CADPS2: variants seen among roughly 807,000 people sequenced by gnomAD.
CADPS2 encodes the protein calcium dependent secretion activator 2, also known as calcium-dependent secretion activator 2.
A neutral mutation model predicts 172.5 loss-of-function variants in CADPS2; 93 were observed. That is an observed-to-expected ratio of 0.54 (90% confidence interval 0.46 to 0.64). The LOEUF is 0.64. Ranked by LOEUF, CADPS2 falls within the 30% of genes least tolerant of loss-of-function variation. The pLI is 0.00. For missense variants in CADPS2, 1,420 were observed against 1,565.9 expected (o/e 0.91, Z 1.57); for synonymous variants, 546 against 555.2 (o/e 0.98, Z 0.23).
At chr7:122,578,082 A>G (rs574449812) in intron 7 of CADPS2, among the ~76,000 whole-genome samples, 9 of 150,958 alleles carry the variant, frequency 6.0e-5, no homozygotes, top group Admixed American at 1.3e-4. Context: ...ATATATGTGT[A>G]TATATATACA....
intron 11 of CADPS2, among the ~76,000 whole-genome samples, chr7:122,485,248 C>T (rs1229918323): frequency 6.6e-6 from 1 of 152,146 alleles, no homozygotes; most frequent in Non-Finnish European, 1.5e-5. Flanking sequence ...AATGATCATG[C>T]TTAGTGAGCA....
At chr7:122,529,483 C>A (rs1371164926) in intron 8 of CADPS2, among the ~76,000 whole-genome samples, 1 of 151,970 alleles carries the variant, frequency 6.6e-6, no homozygotes, top group East Asian at 1.9e-4. Flanking sequence ...AAATCTGTTA[C>A]ATGAACTTGT....
At chr7:122,441,949 T>G (rs1384533424) in intron 15 of CADPS2, among the ~76,000 whole-genome samples, 6 of 152,208 alleles carry the variant, frequency 3.9e-5, no homozygotes, top group Non-Finnish European at 8.8e-5. Context: ...TTTCCCTCAT[T>G]TCCTCCTGTG....
intron 9 of CADPS2, 66 bp downstream of exon 9, chr7:122,513,182 AC>A: frequency 9.6e-7 from 1 of 1,037,398 alleles, no homozygotes; most frequent in East Asian, 2.6e-5. Context: ...GATAGATATA[AC>A]CCACATAAAC....
rs528114736 is a variant in CADPS2 at position 122,613,650 on chromosome 7, T to C, written c.1223+1531A>G. ...CAGTGGTTGGTTAAGGCTGGATTGG[T>C]TGGGGGTTGATAGCTAAAGGGTACA... On this transcript the variant is annotated intron_variant, in intron 6 of 29. Transcript: ENST00000449022. Among the ~76,000 whole-genome samples the C allele has an allele frequency of 2.6e-5, 4 of 151,854 alleles. No individual in the cohort carries two copies. In the South Asian group the frequency reaches 8.3e-4, roughly 32 times the overall value.
At chr7:122,756,826 G>T (rs1159094589) in intron 1 of CADPS2, among the ~76,000 whole-genome samples, 2 of 152,046 alleles carry the variant, frequency 1.3e-5, no homozygotes, top group Admixed American at 6.6e-5. Flanking sequence ...CTTGAACCTG[G>T]GAGGCAGAGG....
chr7:122,561,528 C>A (rs186883319), intron 7 of CADPS2, among the ~76,000 whole-genome samples: 1 of 152,088 alleles, frequency 6.6e-6, no homozygotes, highest in South Asian at 2.1e-4. Flanking sequence ...GTCAATCATT[C>A]TCCAGTTTTT....
chr7:122,809,341 G>A (rs1428992680), intron 1 of CADPS2, among the ~76,000 whole-genome samples: 6 of 151,666 alleles, frequency 4.0e-5, no homozygotes, highest in East Asian at 3.9e-4. Flanking sequence ...AGGCCGAGGC[G>A]GGTGGATCAT....
At chr7:122,402,394 G>C (rs2046062606) in intron 20 of CADPS2, among the ~76,000 whole-genome samples, 1 of 152,140 alleles carries the variant, frequency 6.6e-6, no homozygotes, top group Admixed American at 6.6e-5. Flanking sequence ...TTAACTCCCT[G>C]CTGTCAAGCC....
At chr7:122,716,491 C>T (rs1476676978) in intron 2 of CADPS2, among the ~76,000 whole-genome samples, 1 of 152,012 alleles carries the variant, frequency 6.6e-6, no homozygotes, top group Non-Finnish European at 1.5e-5. Context: ...GCAGAAAGCT[C>T]CACACAGAAA....
chr7:122,323,873 T>TATATA (rs2033167694), intron 29 of CADPS2, among the ~76,000 whole-genome samples: 1 of 112,550 alleles, frequency 8.9e-6, no homozygotes, highest in Non-Finnish European at 1.8e-5. Flanking sequence ...TATGTATATT[T>TATATA]TATATATATA....
chr7:122,829,625 C>T (rs956166962), intron 1 of CADPS2, among the ~76,000 whole-genome samples: 1 of 152,118 alleles, frequency 6.6e-6, no homozygotes, highest in African/African-American at 2.4e-5. Flanking sequence ...TCAACAGTTA[C>T]ACAGTCTACT....
intron 17 of CADPS2, among the ~76,000 whole-genome samples, chr7:122,433,209 G>T (rs1585984099): frequency 6.6e-6 from 1 of 151,734 alleles, no homozygotes; most frequent in African/African-American, 2.4e-5. Flanking sequence ...TTGAACTCCT[G>T]GGTTCAAGTG....
At chr7:122,670,702 T>C (rs1860861) in intron 2 of CADPS2, among the ~76,000 whole-genome samples, 9,624 of 151,654 alleles carry the variant, frequency 0.063, 326 homozygotes, top group Middle Eastern at 0.13. Context: ...GGTTTCACCA[T>C]GTTGATCAGG....
intron 18 of CADPS2, among the ~76,000 whole-genome samples, chr7:122,415,534 T>C (rs562083355): frequency 6.4e-5 from 9 of 140,696 alleles, no homozygotes; most frequent in East Asian, 6.2e-4. Flanking sequence ...ATGAGAGAAA[T>C]AGAGTGAGAT....
chr7:122,803,764 AC>A (rs1336439736), intron 1 of CADPS2, among the ~76,000 whole-genome samples: 1 of 152,206 alleles, frequency 6.6e-6, no homozygotes, highest in East Asian at 1.9e-4. Flanking sequence ...TAAGCATGAT[AC>A]AAGTCAAATG....
Position 122,575,082 on chromosome 7 carries a change from G to T in CADPS2, c.1335+6097C>A, listed in dbSNP as rs62474639. Among the ~76,000 whole-genome samples, 358 of 151,856 alleles carry T rather than the reference G, an allele frequency of 2.4e-3. 2 individuals are homozygous for T. Among genetic ancestry groups the T allele is most frequent in the Non-Finnish European group, 4.2e-3 (285 of 67,940 alleles). On this transcript the variant is annotated intron_variant, in intron 7 of 29. Transcript: ENST00000449022. ...CCTAAAACCAGTCATGAAAAAAATAGTCTTATTTTTTTCTTATTCTGGATT... is the reference window on the plus strand; with the variant it reads ...CCTAAAACCAGTCATGAAAAAAATATTCTTATTTTTTTCTTATTCTGGATT...
In CADPS2 at chr7:122,528,273, T is replaced by C. The variant is rs1488936939; in HGVS notation, c.1476-14958A>G. On this transcript the variant is annotated intron_variant, in intron 8 of 29. Transcript: ENST00000449022. ...TTTAAGGAAAAAAGCTTTCCAAGAA[T>C]GGGGCAAGAATGTAAGTATATCTTT... 2.0e-5 allele frequency among the ~76,000 whole-genome samples: 3 copies of C among 152,074 alleles called. No individual in the cohort carries two copies. The South Asian group carries it at 6.2e-4, about 32-fold the overall frequency.
At chr7:122,762,764 G>A (rs1424191540) in intron 1 of CADPS2, among the ~76,000 whole-genome samples, 1 of 152,076 alleles carries the variant, frequency 6.6e-6, no homozygotes, top group East Asian at 1.9e-4. Context: ...AGTCATAGAA[G>A]GCCACCAGTC....
Sources: allele counts gnomAD v4.1 joint callset (sites outside exome capture counted in the v4.1 genomes callset), GRCh38; gene constraint gnomAD v4.1.1; transcripts MANE v1.5; gene names NCBI Gene and HGNC (gene_info 2026-07-23, HGNC 2026-07-21).